MICU1: variants seen among roughly 807,000 people sequenced by gnomAD.
MICU1 encodes the protein calcium uptake protein 1, mitochondrial.
A neutral mutation model predicts 56.8 loss-of-function variants in MICU1; 45 were observed. The ratio of observed to expected loss-of-function variants is 0.79; its 90% CI spans 0.62 to 1.02. The LOEUF (loss-of-function observed/expected upper bound fraction) is 1.02. Among genes scored for constraint, MICU1 ranks in the 50% least tolerant of loss-of-function variants. MICU1 has a pLI of 0.00. For synonymous variants in MICU1, 186 were observed against 195.1 expected (o/e 0.95, Z 0.39); for missense variants, 504 against 587.1 (o/e 0.86, Z 1.46).
At chr10:72,412,522 A>G (rs1297853283) in intron 9 of MICU1, among the ~76,000 whole-genome samples, 1 of 152,214 alleles carries the variant, frequency 6.6e-6, no homozygotes, top group East Asian at 1.9e-4. Flanking sequence ...TAACATTAGG[A>G]AGTTGCTAAG....
intron 4 of MICU1, among the ~76,000 whole-genome samples, chr10:72,544,064 T>C (rs760178685): frequency 2.0e-5 from 3 of 152,194 alleles, no homozygotes; most frequent in Non-Finnish European, 4.4e-5. Flanking sequence ...ACGGTTATGT[T>C]ATCTATAGAT....
intron 3 of MICU1, among the ~76,000 whole-genome samples, chr10:72,551,614 T>C (rs2132445154): frequency 6.6e-6 from 1 of 152,320 alleles, no homozygotes; most frequent in Admixed American, 6.5e-5. Flanking sequence ...TTTTGAAGAA[T>C]TTTCTAATGT....
intron 4 of MICU1, among the ~76,000 whole-genome samples, chr10:72,545,753 C>T (rs1281054691): frequency 6.6e-6 from 1 of 152,116 alleles, no homozygotes; most frequent in Non-Finnish European, 1.5e-5. Context: ...AAAGGGAAGG[C>T]GATTCTCTAC....
At chr10:72,508,382 C>CA in intron 5 of MICU1, 113 bp from the exon 6 acceptor site, 1 of 450,062 alleles carries the variant, frequency 2.2e-6, no homozygotes, top group Non-Finnish European at 4.0e-6. Context: ...TTATCATAAG[C>CA]ATTTCTCTCA....
chr10:72,573,708 C>A (rs946982414), intron 1 of MICU1, among the ~76,000 whole-genome samples: 1 of 151,816 alleles, frequency 6.6e-6, no homozygotes, highest in Non-Finnish European at 1.5e-5. Context: ...TTTAATGCTC[C>A]CCTAGGGATT....
chr10:72,492,517 C>G (rs1416021810), intron 6 of MICU1, among the ~76,000 whole-genome samples: 1 of 151,942 alleles, frequency 6.6e-6, no homozygotes, highest in Non-Finnish European at 1.5e-5. Flanking sequence ...AATCCCAGCA[C>G]GTTGGGAGGT....
At chr10:72,415,210 T>A (rs1452677216) in intron 9 of MICU1, among the ~76,000 whole-genome samples, 4 of 152,138 alleles carry the variant, frequency 2.6e-5, no homozygotes, top group African/African-American at 9.7e-5. Flanking sequence ...GAGATGTGCT[T>A]TCGCCATGTT....
chr10:72,461,797 T>G (rs557285467), intron 8 of MICU1, among the ~76,000 whole-genome samples: 1 of 152,164 alleles, frequency 6.6e-6, no homozygotes, highest in East Asian at 1.9e-4. Flanking sequence ...TAACAATACA[T>G]GAAATTAGCC....
intron 1 of MICU1, among the ~76,000 whole-genome samples, chr10:72,568,588 G>A (rs886763917): frequency 1.3e-5 from 2 of 152,046 alleles, no homozygotes; most frequent in Non-Finnish European, 2.9e-5. Flanking sequence ...ATAAACCACT[G>A]TCAAGCCCAG....
At chr10:72,495,690 AC>A (rs1196368852) in intron 6 of MICU1, among the ~76,000 whole-genome samples, 1 of 150,174 alleles carries the variant, frequency 6.7e-6, no homozygotes, top group Non-Finnish European at 1.5e-5. Flanking sequence ...ACAACTAGCT[AC>A]CGTAATAAAG....
chr10:72,540,160 G>A (rs1171938246), intron 4 of MICU1, among the ~76,000 whole-genome samples: 1 of 151,802 alleles, frequency 6.6e-6, no homozygotes, highest in African/African-American at 2.4e-5. Flanking sequence ...CCAGCTACTT[G>A]GGAGGCTGAG....
chr10:72,533,003 G>A (rs1391013186), intron 5 of MICU1: 1 of 1,286,568 alleles, frequency 7.8e-7, no homozygotes, highest in Non-Finnish European at 1.0e-6. Flanking sequence ...GCCTTTTCCA[G>A]CCACTCCATG....
chr10:72,538,729 T>C (rs889662572), intron 4 of MICU1, among the ~76,000 whole-genome samples: 2 of 152,018 alleles, frequency 1.3e-5, no homozygotes, highest in African/African-American at 4.8e-5. Flanking sequence ...AAAATGGCTA[T>C]AATAAAGTCC....
chr10:72,521,118 C>T (rs1867806901), intron 5 of MICU1, among the ~76,000 whole-genome samples: 1 of 151,990 alleles, frequency 6.6e-6, no homozygotes, highest in African/African-American at 2.4e-5. Context: ...AAAACAATCT[C>T]AAGTAAAAAT....
chr10:72,544,114 CCTGTT>C (rs71021505), intron 4 of MICU1, among the ~76,000 whole-genome samples: 9 of 150,686 alleles, frequency 6.0e-5, no homozygotes, highest in East Asian at 1.9e-4. Flanking sequence ...AAATCCCTGT[CCTGTT>C]CTGTTCTGTT....
chr10:72,593,550 A>G (rs1399683902), intron 1 of MICU1, among the ~76,000 whole-genome samples: 2 of 152,030 alleles, frequency 1.3e-5, no homozygotes, highest in South Asian at 2.1e-4. Context: ...AAAAGCATCT[A>G]AATTGGAAAG....
chr10:72,513,042 C>T (rs1003460919), intron 5 of MICU1, among the ~76,000 whole-genome samples: 1 of 151,984 alleles, frequency 6.6e-6, no homozygotes, highest in African/African-American at 2.4e-5. Flanking sequence ...GTTGCTCTGT[C>T]GCACAGGATG....
At chr10:72,602,322 A>T (rs1029483594) in intron 1 of MICU1, among the ~76,000 whole-genome samples, 4 of 151,706 alleles carry the variant, frequency 2.6e-5, no homozygotes, top group African/African-American at 7.3e-5. Flanking sequence ...GTGGTGGCAC[A>T]CGCCTGTAAT....
intron 10 of MICU1, among the ~76,000 whole-genome samples, chr10:72,389,121 T>C (rs1299620566): frequency 6.6e-6 from 1 of 152,236 alleles, no homozygotes; most frequent in East Asian, 1.9e-4. Flanking sequence ...GACAGGACAG[T>C]GCTACCGGAT....
Sources: allele counts gnomAD v4.1 joint callset (sites outside exome capture counted in the v4.1 genomes callset), GRCh38; gene constraint gnomAD v4.1.1; transcripts MANE v1.5; gene names NCBI Gene and HGNC (gene_info 2026-07-23, HGNC 2026-07-21).